Variants in GRM5 observed in about 807,000 individuals in gnomAD.
The protein encoded by GRM5 is metabotropic glutamate receptor 5.
In GRM5, 19 loss-of-function variants were observed where a neutral mutation model predicts 83.1. The ratio of observed to expected loss-of-function variants is 0.23; its 90% CI spans 0.16 to 0.34. The LOEUF (loss-of-function observed/expected upper bound fraction) is 0.34, where lower values mean the gene tolerates loss of function less well. Among genes scored for constraint, GRM5 ranks in the 10% least tolerant of loss-of-function variants. GRM5 has a pLI of 1.00. For missense variants in GRM5, 1,160 were observed against 1,588.3 expected (o/e 0.73, Z 4.58); for synonymous variants, 675 against 633.6 (o/e 1.07, Z -0.98).
chr11:88,543,221 G>A (rs1429090392), intron 8 of GRM5, among the ~76,000 whole-genome samples: 1 of 152,222 alleles, frequency 6.6e-6, no homozygotes, highest in African/African-American at 2.4e-5. Flanking sequence ...AACTGCATAA[G>A]CGATAAGAGC....
intron 7 of GRM5, among the ~76,000 whole-genome samples, chr11:88,579,403 T>C (rs1943180640): frequency 6.6e-6 from 1 of 152,114 alleles, no homozygotes; most frequent in Non-Finnish European, 1.5e-5. Flanking sequence ...TCAGTGAAAA[T>C]ACATTAACAC....
intron 1 of GRM5, among the ~76,000 whole-genome samples, chr11:89,049,004 A>G (rs1323057999): frequency 6.6e-6 from 1 of 152,206 alleles, no homozygotes; most frequent in Non-Finnish European, 1.5e-5. Flanking sequence ...ATATATTCAA[A>G]ACAACATCTT....
At chr11:88,763,980 C>T (rs958237445) in intron 3 of GRM5, among the ~76,000 whole-genome samples, 2 of 151,478 alleles carry the variant, frequency 1.3e-5, no homozygotes, top group Non-Finnish European at 3.0e-5. Flanking sequence ...CAGAGACCCA[C>T]TGAGATTCAA....
chr11:88,530,942 G>T (rs185284243), intron 8 of GRM5, among the ~76,000 whole-genome samples: 1 of 151,978 alleles, frequency 6.6e-6, no homozygotes, highest in East Asian at 1.9e-4. Flanking sequence ...AAAGAAGCTT[G>T]GTACTCATCT....
intron 2 of GRM5, among the ~76,000 whole-genome samples, chr11:88,987,731 C>A (rs930888794): frequency 6.6e-6 from 1 of 151,922 alleles, no homozygotes; most frequent in African/African-American, 2.4e-5. Flanking sequence ...AACTGGGAGG[C>A]ACCCCCCAGC....
In GRM5 at chr11:88,993,160, G is replaced by A. The variant is rs185454224; in HGVS notation, c.661+54052C>T. 3.4e-3 allele frequency among the ~76,000 whole-genome samples: 517 copies of A among 150,678 alleles called. 4 individuals are homozygous for A. The highest frequency in any genetic ancestry group is 0.012 in the African/African-American group (474 of 41,066). On this transcript the variant is annotated intron_variant, in intron 2 of 9. Coordinates refer to ENST00000305447, the MANE Select transcript of GRM5 (RefSeq NM_001143831.3). ...GGGCGCCTGTAGTCCTAGCTCCTCC[G>A]TAGGCTAAGGCAGAAGAAGGGCGTG...
rs1232518039 is a variant in GRM5 at position 88,524,190 on chromosome 11, TTTTCTTTC to T, written c.2726+1111_2726+1118del. 844 of 112,956 alleles carry T rather than the reference TTTTCTTTC, an allele frequency of 7.5e-3. 19 individuals carry two copies. The highest frequency in any genetic ancestry group is 0.029 in the African/African-American group (763 of 26,648). The allele number at this position is 112,956 out of a possible 1,614,324, so 7.0% of individuals were successfully genotyped here. On this transcript the variant is annotated intron_variant, in intron 9 of 9. Transcript: ENST00000305447. Reference sequence around the variant, plus strand: ...AGGGCCCTTTTCTTTTCTTTTTTCTTTTTCTTTCTTTCTTTCTTTCTTTCTTTTTTTTT... The same window carrying T: ...AGGGCCCTTTTCTTTTCTTTTTTCTTTTTCTTTCTTTCTTTCTTTTTTTTT...
chr11:88,734,194 A>C (rs185113119), intron 3 of GRM5, among the ~76,000 whole-genome samples: 1 of 152,044 alleles, frequency 6.6e-6, no homozygotes, highest in Non-Finnish European at 1.5e-5. Context: ...GCAAATAAAC[A>C]TTTCTCCAAA....
At chr11:88,845,423 C>CTTTTTT (rs71046265) in intron 3 of GRM5, among the ~76,000 whole-genome samples, 3,680 of 92,084 alleles carry the variant, frequency 0.04, 777 homozygotes, top group East Asian at 0.086. Context: ...ATAAACATAA[C>CTTTTTT]TTTTTTTTTT....
chr11:88,835,899 T>C (rs1333582495), intron 3 of GRM5, among the ~76,000 whole-genome samples: 10 of 152,316 alleles, frequency 6.6e-5, no homozygotes, highest in East Asian at 1.9e-4. Flanking sequence ...TTCCAGGATG[T>C]TGAAGTCAAA....
At chr11:88,750,673 T>A (rs1942249673) in intron 3 of GRM5, among the ~76,000 whole-genome samples, 1 of 152,150 alleles carries the variant, frequency 6.6e-6, no homozygotes, top group East Asian at 1.9e-4. Flanking sequence ...ATCTCATAAT[T>A]GGGAGTAAAA....
intron 2 of GRM5, among the ~76,000 whole-genome samples, chr11:88,981,098 T>C (rs1248183752): frequency 6.6e-6 from 1 of 152,204 alleles, no homozygotes; most frequent in Non-Finnish European, 1.5e-5. Flanking sequence ...GATGTTAATC[T>C]AGGCATACAA....
chr11:88,910,380 C>A (rs1345290698), intron 2 of GRM5, among the ~76,000 whole-genome samples: 1 of 152,010 alleles, frequency 6.6e-6, no homozygotes, highest in African/African-American at 2.4e-5. Context: ...CATTGATATG[C>A]AAATATTTGT....
Position 88,604,831 on chromosome 11 carries a change from A to G in GRM5, c.1281T>C (p.Asp427=), listed in dbSNP as rs369188735. The G allele has an allele frequency of 1.3e-5, 21 of 1,614,084 alleles. No homozygotes were observed. Among genetic ancestry groups the G allele is most frequent in the South Asian group, 2.2e-5 (2 of 91,080 alleles). ...SLCPGYAGLC[D]AMKPIDGRKL... is the part of the protein sequence containing the mutation. ...TCCGTCCATCAATTGGCTTCATGGC[A>G]TCACAGAGTCCTGCATAGCCTGGGC... Residue 427 remains aspartate, a synonymous_variant, in exon 5 of 10, where the codon GAT becomes GAC. Coordinates refer to ENST00000305447, the MANE Select transcript of GRM5 (RefSeq NM_001143831.3).
intron 3 of GRM5, among the ~76,000 whole-genome samples, chr11:88,778,579 A>G (rs1034682911): frequency 1.3e-5 from 2 of 152,156 alleles, no homozygotes; most frequent in Non-Finnish European, 2.9e-5. Flanking sequence ...CTATTTGGCC[A>G]TCTTGGAATG....
At chr11:88,761,170 T>G (rs1258737071) in intron 3 of GRM5, among the ~76,000 whole-genome samples, 1 of 152,124 alleles carries the variant, frequency 6.6e-6, no homozygotes, top group Non-Finnish European at 1.5e-5. Flanking sequence ...TCACCACTCC[T>G]ATTCACCATA....
intron 7 of GRM5, among the ~76,000 whole-genome samples, chr11:88,582,668 A>G (rs1943236070): frequency 6.6e-6 from 1 of 152,192 alleles, no homozygotes; most frequent in African/African-American, 2.4e-5. Context: ...AAAGAATCAT[A>G]AACAAATAAT....
At chr11:88,795,675 A>T (rs552543461) in intron 3 of GRM5, among the ~76,000 whole-genome samples, 15 of 152,190 alleles carry the variant, frequency 9.9e-5, no homozygotes, top group Non-Finnish European at 1.6e-4. Flanking sequence ...TCTCCATTTT[A>T]CATATGCATA....
chr11:88,638,583 G>A (rs978872402), intron 4 of GRM5, among the ~76,000 whole-genome samples: 1 of 151,948 alleles, frequency 6.6e-6, no homozygotes, highest in Non-Finnish European at 1.5e-5. Context: ...TAAATGTTTG[G>A]CAGCAGTTCA....
Sources: gnomAD v4.1 joint callset for allele counts (sites outside exome capture counted in the v4.1 genomes callset) on GRCh38, gnomAD v4.1.1 for gene constraint, MANE v1.5 for transcripts, NCBI Gene and HGNC (gene_info 2026-07-23, HGNC 2026-07-21) for gene names.